DDX46: variants seen among roughly 807,000 people sequenced by gnomAD.
DDX46 encodes the protein probable ATP-dependent RNA helicase DDX46.
A neutral mutation model predicts 134.9 loss-of-function variants in DDX46; 30 were observed. The ratio of observed to expected loss-of-function variants is 0.22; its 90% CI spans 0.17 to 0.30. DDX46 has a LOEUF of 0.30. DDX46 is among the 10% of genes least tolerant of loss of function. DDX46 has a pLI of 1.00. For synonymous variants in DDX46, 415 were observed against 404.1 expected, an observed-to-expected ratio of 1.03 and a Z score of -0.32; for missense variants, 622 against 1,248.7, an observed-to-expected ratio of 0.50 and a Z score of 7.56.
At position 134,777,684 on chromosome 5, in the gene DDX46, T is replaced by A. The variant is rs1753988334; in HGVS notation, c.724T>A (p.Phe242Ile). 1 of 1,612,966 alleles carries A rather than the reference T, an allele frequency of 6.2e-7. No homozygotes were observed. The highest frequency in any genetic ancestry group is 1.1e-5 in the South Asian group (1 of 90,948). The change falls in exon 6 of 23, where the codon TTT becomes ATT. Residue 242 changes from phenylalanine to isoleucine, a missense_variant. By Grantham distance (21) the Phe-to-Ile change is conservative (BLOSUM62 0). Transcript: ENST00000452510. ...MEEVKEEVKKFNMRSVKGGGG... is the reference protein window; with the variant it reads ...MEEVKEEVKKINMRSVKGGGG... ...AGAAGTGAAAGAGGAAGTAAAAAAA[T>A]TTAACATGAGAAGTGTAAAAGGTGG...
chr5:134,782,598 G>GCCTTGATTT (rs1030635285), intron 8 of DDX46, among the ~76,000 whole-genome samples: 22 of 151,934 alleles, frequency 1.4e-4, no homozygotes, highest in African/African-American at 5.3e-4. Flanking sequence ...GCTCACTGTA[G>GCCTTGATTT]CCTTGATTTC....
chr5:134,800,289 T>G (rs1754787797), intron 15 of DDX46, among the ~76,000 whole-genome samples: 1 of 152,010 alleles, frequency 6.6e-6, no homozygotes, highest in Non-Finnish European at 1.5e-5. Context: ...CATGGATTAG[T>G]TTTTTTTACC....
chr5:134,796,492 G>A (rs1472792549), intron 15 of DDX46, among the ~76,000 whole-genome samples: 2 of 152,178 alleles, frequency 1.3e-5, no homozygotes, highest in East Asian at 1.9e-4. Flanking sequence ...TCAAAGTAAC[G>A]TTTTAATTTC....
intron 16 of DDX46, among the ~76,000 whole-genome samples, chr5:134,808,308 A>G (rs1011476315): frequency 2.0e-5 from 3 of 152,238 alleles, no homozygotes; most frequent in African/African-American, 4.8e-5. Context: ...ACTAAACATC[A>G]TAGTAGCCTA....
At chr5:134,760,088 A>G (rs969946971) in intron 1 of DDX46, among the ~76,000 whole-genome samples, 4 of 152,072 alleles carry the variant, frequency 2.6e-5, no homozygotes, top group Non-Finnish European at 4.4e-5. Flanking sequence ...TGCTCTCCTA[A>G]TTGTTAGATC....
intron 4 of DDX46, among the ~76,000 whole-genome samples, chr5:134,771,278 A>G (rs1347721795): frequency 6.6e-6 from 1 of 151,314 alleles, no homozygotes; most frequent in African/African-American, 2.4e-5. Flanking sequence ...TATTTTTAGT[A>G]GAGATGGGGT....
chr5:134,794,896 T>C lies in DDX46; in HGVS notation c.1673T>C (p.Met558Thr). The C allele has an allele frequency of 2.5e-6, 4 of 1,614,246 alleles. No individual in the cohort carries two copies. Among genetic ancestry groups the C allele is most frequent in the Non-Finnish European group, 3.4e-6 (4 of 1,180,042 alleles). Reference sequence around the variant, plus strand: ...GTTCGTCCTGATCGACAGACGGTTATGTTTTCAGCTACTTTCCCCAGAGCT... The same window carrying C: ...GTTCGTCCTGATCGACAGACGGTTACGTTTTCAGCTACTTTCCCCAGAGCT... ...DNVRPDRQTVMFSATFPRAME... is the reference protein window; with the variant it reads ...DNVRPDRQTVTFSATFPRAME... The change falls in exon 14 of 23, where the codon ATG (methionine) becomes ACG (threonine). Residue 558 changes from methionine to threonine, a missense_variant. This residue lies in a region of DDX46 where 209 missense variants were observed against 508.4 expected (regional missense o/e 0.41). Transcript: ENST00000452510.
chr5:134,776,342 C>T (rs952795733), intron 5 of DDX46, among the ~76,000 whole-genome samples: 1 of 150,956 alleles, frequency 6.6e-6, no homozygotes, highest in Admixed American at 6.6e-5. Context: ...GTCAGTGAGC[C>T]GAGATGGTGC....
chr5:134,772,344 A>G (rs901817407), intron 4 of DDX46, among the ~76,000 whole-genome samples: 1 of 152,094 alleles, frequency 6.6e-6, no homozygotes, highest in African/African-American at 2.4e-5. Flanking sequence ...CACCATGGTG[A>G]AACCCTGTCT....
chr5:134,810,981 G>A (rs565117200), intron 16 of DDX46, among the ~76,000 whole-genome samples: 2 of 152,100 alleles, frequency 1.3e-5, no homozygotes, highest in South Asian at 4.1e-4. Context: ...ACTCCAGCCT[G>A]GGCAACAGAG....
chr5:134,818,803 C>G, intron 20 of DDX46, 57 bp from the exon 21 acceptor site: 1 of 1,535,096 alleles, frequency 6.5e-7, no homozygotes, highest in Non-Finnish European at 8.8e-7. Flanking sequence ...GTCAGCACTC[C>G]TGGATTTTTT....
intron 4 of DDX46, among the ~76,000 whole-genome samples, chr5:134,771,408 A>G (rs1341263581): frequency 3.8e-5 from 5 of 131,038 alleles, no homozygotes; most frequent in Admixed American, 7.3e-5. Flanking sequence ...ACTTGTTTCT[A>G]TGGGCCAGGC....
chr5:134,764,121 G>A lies in DDX46; in HGVS notation c.206+29G>A, dbSNP rs111297666. ...AGACATTAATTAATTTCCAAAAGAC[G>A]AGTGATAAATTGGGCCTTCTCGGCT... is the stretch of plus-strand genomic sequence containing the variant. On this transcript the variant is annotated intron_variant, in intron 2 of 22. Coordinates refer to ENST00000452510, the MANE Select transcript of DDX46 (RefSeq NM_001300860.2). 6.0e-4 allele frequency: 940 copies of A among 1,578,020 alleles called. 5 individuals carry two copies. In the African/African-American group the frequency reaches 0.011, roughly 18 times the overall value.
At chr5:134,813,497 A>T (rs1755204849) in intron 18 of DDX46, among the ~76,000 whole-genome samples, 1 of 152,176 alleles carries the variant, frequency 6.6e-6, no homozygotes, top group Non-Finnish European at 1.5e-5. Flanking sequence ...GCCTGTCCTT[A>T]CCCACATGGC....
At position 134,809,994 on chromosome 5, in the gene DDX46, C is replaced by G. The variant is rs941522667; in HGVS notation, c.2149-1227C>G. On this transcript the variant is annotated intron_variant, in intron 16 of 22. Coordinates refer to ENST00000452510, the MANE Select transcript of DDX46 (RefSeq NM_001300860.2). ...TGCCATTGCACTCCAGCCTGGGCAGCAGGAGCAAAACTCTTGTCTCAGAAA... is the reference window on the plus strand; with the variant it reads ...TGCCATTGCACTCCAGCCTGGGCAGGAGGAGCAAAACTCTTGTCTCAGAAA... Among the ~76,000 whole-genome samples, 73 of 152,140 alleles carry G rather than the reference C, an allele frequency of 4.8e-4. 1 individual carries two copies. The highest frequency in any genetic ancestry group is 1.6e-3 in the African/African-American group (65 of 41,456).
chr5:134,790,607 C>A, intron 13 of DDX46, 55 bp downstream of exon 13: 1 of 1,452,740 alleles, frequency 6.9e-7, no homozygotes, highest in South Asian at 1.2e-5. Context: ...TTGTAGTTGC[C>A]ATGAGAATGA....
intron 12 of DDX46, among the ~76,000 whole-genome samples, chr5:134,789,423 AAT>A (rs1383609033): frequency 1.3e-5 from 2 of 152,186 alleles, no homozygotes; most frequent in Non-Finnish European, 2.9e-5. Context: ...GTGTGTACAT[AAT>A]AGAGTATTAA....
At chr5:134,789,953 A>G (rs909913628) in intron 12 of DDX46, among the ~76,000 whole-genome samples, 1 of 152,220 alleles carries the variant, frequency 6.6e-6, no homozygotes, top group Admixed American at 6.5e-5. Context: ...ATAGCTTCTC[A>G]TTAAGGGTTT....
At chr5:134,770,753 A>C (rs1429226318) in intron 3 of DDX46, 150 bp from the exon 4 acceptor site, 1 of 533,058 alleles carries the variant, frequency 1.9e-6, no homozygotes, top group Non-Finnish European at 3.1e-6. Context: ...TGGAGGTTGC[A>C]GTGAGCTGAG....
Sources: gnomAD v4.1 joint callset for allele counts (sites outside exome capture counted in the v4.1 genomes callset) on GRCh38, gnomAD v4.1.1 for gene constraint, gnomAD v4.1.1 regional missense constraint, MANE v1.5 for transcripts, NCBI Gene and HGNC (gene_info 2026-07-23, HGNC 2026-07-21) for gene names.